The following ERG variants were observed in gnomAD, a reference collection of about 807,000 sequenced individuals.
ERG encodes ETS transcription factor ERG, also known as transcriptional regulator ERG.
Under a neutral mutation model 55.3 loss-of-function variants are expected in ERG, and 9 were observed. That is an observed-to-expected ratio of 0.16 (90% CI 0.10 to 0.28). ERG has a LOEUF of 0.28. ERG is among the 10% of genes least tolerant of loss of function. The pLI, the probability that ERG is intolerant of heterozygous loss-of-function variation, is 1.00. For synonymous variants in ERG, 223 were observed against 237.3 expected (o/e 0.94, Z 0.55); for missense variants, 434 against 631.6 (o/e 0.69, Z 3.35).
chr21:38,391,547 G>A (rs995522600), intron 8 of ERG, 112 bp downstream of exon 8: 11 of 929,320 alleles, frequency 1.2e-5, no homozygotes, highest in East Asian at 2.4e-5. Flanking sequence ...TGGAGCTGTC[G>A]AAAAGAGGCA....
chr21:38,606,781 C>T (rs1389056550), intron 1 of ERG, among the ~76,000 whole-genome samples: 1 of 151,902 alleles, frequency 6.6e-6, no homozygotes, highest in Non-Finnish European at 1.5e-5. Flanking sequence ...TACTGAACTA[C>T]CTAGAAAGAA....
intron 2 of ERG, among the ~76,000 whole-genome samples, chr21:38,508,074 CACACATATAT>C: frequency 3.0e-5 from 1 of 33,846 alleles, no homozygotes; most frequent in East Asian, 9.7e-4. Context: ...CACACATGCA[CACACATATAT>C]ACACACAGAC....
chr21:38,393,694 C>T (rs1216556181), intron 6 of ERG, among the ~76,000 whole-genome samples: 1 of 152,018 alleles, frequency 6.6e-6, no homozygotes, highest in East Asian at 1.9e-4. Context: ...TTTTCATATC[C>T]CAAAGAGAAT....
intron 1 of ERG, among the ~76,000 whole-genome samples, chr21:38,637,799 C>T (rs2060399144): frequency 6.6e-6 from 1 of 151,614 alleles, no homozygotes; most frequent in Non-Finnish European, 1.5e-5. Context: ...GCTGTCTCTT[C>T]ACAAGTTCTT....
chr21:38,587,522 C>T (rs11700926), upstream of ERG, among the ~76,000 whole-genome samples: 467 of 152,250 alleles, frequency 3.1e-3, 4 homozygotes, highest in African/African-American at 0.011. Context: ...CCACACCCGG[C>T]TAATTTTTGT....
intron 1 of ERG, among the ~76,000 whole-genome samples, chr21:38,583,866 A>G (rs2146880876): frequency 6.6e-6 from 1 of 152,332 alleles, no homozygotes; most frequent in East Asian, 1.9e-4. Context: ...TGACACCTTG[A>G]TCTTGGACAT....
chr21:38,619,599 A>G (rs531887293), intron 1 of ERG, among the ~76,000 whole-genome samples: 8 of 152,232 alleles, frequency 5.3e-5, no homozygotes, highest in Non-Finnish European at 1.2e-4. Context: ...GAGGCCCTAC[A>G]CAATGTATTG....
At chr21:38,504,046 G>T (rs1383743023) in intron 2 of ERG, among the ~76,000 whole-genome samples, 1 of 152,096 alleles carries the variant, frequency 6.6e-6, no homozygotes, top group Non-Finnish European at 1.5e-5. Context: ...GTGTGGGGGG[G>T]TAGGGGAGTG....
rs182185665 is a variant in ERG, at chr21:38,402,609, A to G, written c.621T>C (p.Asp207=). 9.9e-6 allele frequency: 16 copies of G among 1,611,180 alleles called. No individual in the cohort carries two copies. Among genetic ancestry groups the G allele is most frequent in the Non-Finnish European group, 1.0e-5 (12 of 1,179,320 alleles). Residue 207 remains aspartate (D), a synonymous_variant, in exon 5 of 10, where the codon GAT becomes GAC. Coordinates refer to ENST00000288319, the MANE Select transcript of ERG (RefSeq NM_182918.4). The part of the protein sequence containing the change: ...ETPLPHLTSD[D]VDKALQNSPR... ...GAGAGTTTTGTAAGGCTTTATCAAC[A>G]TCATCTGAAGTCAAATGTGGAAGAG...
At chr21:38,370,787 C>T in the ERG span, among the ~76,000 whole-genome samples, 1 of 151,878 alleles carries the variant, frequency 6.6e-6, no homozygotes, top group Admixed American at 6.6e-5. Flanking sequence ...CTCTTTTGAG[C>T]CATCCATACT....
At chr21:38,658,956 C>T (rs2060535773) in intron 1 of ERG, among the ~76,000 whole-genome samples, 1 of 152,128 alleles carries the variant, frequency 6.6e-6, no homozygotes, top group Non-Finnish European at 1.5e-5. Flanking sequence ...ACCAATAATT[C>T]CTCATGAAAT....
intron 1 of ERG, among the ~76,000 whole-genome samples, chr21:38,463,999 T>G (rs1213832042): frequency 6.6e-6 from 1 of 152,166 alleles, no homozygotes; most frequent in Admixed American, 6.5e-5. Context: ...AAGCAGGATT[T>G]TCTCCATTGA....
At chr21:38,483,403 C>G (rs1037242424) in intron 1 of ERG, among the ~76,000 whole-genome samples, 1 of 152,038 alleles carries the variant, frequency 6.6e-6, no homozygotes, top group African/African-American at 2.4e-5. Context: ...ATGTTGTACA[C>G]CTTAAATATA....
intron 1 of ERG, among the ~76,000 whole-genome samples, chr21:38,621,910 C>T (rs370009205): frequency 5.3e-5 from 8 of 152,326 alleles, no homozygotes; most frequent in African/African-American, 1.9e-4. Context: ...TGGCTGACAT[C>T]GAGATGACTC....
intron 1 of ERG, among the ~76,000 whole-genome samples, chr21:38,462,450 C>T (rs749198050): frequency 5.2e-4 from 79 of 152,076 alleles, no homozygotes; most frequent in Non-Finnish European, 9.7e-4. Context: ...TCACTGCCGT[C>T]GAGGTTTTAA....
chr21:38,518,540 G>C (rs560891099), intron 2 of ERG, among the ~76,000 whole-genome samples: 41 of 152,110 alleles, frequency 2.7e-4, no homozygotes, highest in Admixed American at 5.9e-4. Context: ...TTAAAAAAGG[G>C]AGAAACTGTT....
Position 38,403,635 on chromosome 21 carries a change from C to T in ERG, c.463G>A (p.Val155Ile), listed in dbSNP as rs552037654. 58 of 1,614,150 alleles carry T rather than the reference C, an allele frequency of 3.6e-5. No homozygotes were observed. The highest frequency in any genetic ancestry group is 3.6e-5 in the Non-Finnish European group (43 of 1,180,016). ...ATGTTCTGGAATAACAAGATGTTGACGTCTGGAAGGCCATATTCTTTCACC... is the reference window on the plus strand; with the variant it reads ...ATGTTCTGGAATAACAAGATGTTGATGTCTGGAAGGCCATATTCTTTCACC... ...WAVKEYGLPD[V>I]NILLFQNIDG... Residue 155 changes from valine (V) to isoleucine (I), a missense_variant, in exon 4 of 10, where the codon GTC (valine) becomes ATC (isoleucine). Coordinates refer to ENST00000288319, the MANE Select transcript of ERG (RefSeq NM_182918.4).
intron 1 of ERG, among the ~76,000 whole-genome samples, chr21:38,619,883 G>A (rs2060280145): frequency 6.6e-6 from 1 of 152,186 alleles, no homozygotes; most frequent in Non-Finnish European, 1.5e-5. Flanking sequence ...TGTAGGTTAT[G>A]GTCTAATTGC....
intron 2 of ERG, among the ~76,000 whole-genome samples, chr21:38,569,031 C>T (rs975602710): frequency 6.6e-6 from 1 of 152,112 alleles, no homozygotes; most frequent in African/African-American, 2.4e-5. Context: ...TACAGGCAGC[C>T]CCCCTGAGAT....
Sources: gnomAD v4.1 joint callset for allele counts (sites outside exome capture counted in the v4.1 genomes callset) on GRCh38, gnomAD v4.1.1 for gene constraint, MANE v1.5 for transcripts, NCBI Gene and HGNC (gene_info 2026-07-23, HGNC 2026-07-21) for gene names.